The following LRFN5 variants were observed in gnomAD, a reference collection of about 807,000 sequenced individuals.
LRFN5 encodes the protein leucine rich repeat and fibronectin type III domain containing 5, also known as leucine-rich repeat and fibronectin type-III domain-containing protein 5.
In LRFN5, 24 loss-of-function variants were observed where a neutral mutation model predicts 45.6. The observed-to-expected ratio is 0.53, with a 90% confidence interval of 0.38 to 0.74. The LOEUF is 0.74. Among genes scored for constraint, LRFN5 ranks in the 30% least tolerant of loss-of-function variants. The probability of loss-of-function intolerance (pLI) is 0.00; values close to 1 mark genes in which losing one functional copy is unlikely to be tolerated. For synonymous variants in LRFN5, 340 were observed against 313.8 expected (o/e 1.08, Z -0.88); for missense variants, 776 against 861.5 (o/e 0.90, Z 1.24).
intron 2 of LRFN5, among the ~76,000 whole-genome samples, chr14:41,798,044 A>G (rs191568209): frequency 1.3e-5 from 2 of 152,018 alleles, no homozygotes; most frequent in South Asian, 2.1e-4. Context: ...TCTTGGAACT[A>G]TCTCTATCCC....
At chr14:41,823,001 T>TA (rs1204886377) in intron 2 of LRFN5, among the ~76,000 whole-genome samples, 7 of 151,930 alleles carry the variant, frequency 4.6e-5, no homozygotes, top group East Asian at 1.9e-4. Context: ...GTATGATATA[T>TA]TTTTTTCCAC....
intron 2 of LRFN5, among the ~76,000 whole-genome samples, chr14:41,859,933 A>C (rs571864437): frequency 6.6e-6 from 1 of 152,204 alleles, no homozygotes; most frequent in Non-Finnish European, 1.5e-5. Flanking sequence ...TTCTTTCTAC[A>C]CTGGGTTTTG....
At chr14:41,752,536 T>C (rs1885182137) in intron 1 of LRFN5, among the ~76,000 whole-genome samples, 1 of 152,246 alleles carries the variant, frequency 6.6e-6, no homozygotes, top group East Asian at 1.9e-4. Flanking sequence ...CATTTTTTCA[T>C]GTGTCTTTTC....
intron 1 of LRFN5, among the ~76,000 whole-genome samples, chr14:41,749,601 G>A (rs972892643): frequency 1.3e-5 from 2 of 152,056 alleles, no homozygotes; most frequent in African/African-American, 4.8e-5. Flanking sequence ...TCACTTATAA[G>A]TGAAAGTGAA....
intron 1 of LRFN5, among the ~76,000 whole-genome samples, chr14:41,761,545 T>C (rs993908576): frequency 6.6e-6 from 1 of 152,158 alleles, no homozygotes; most frequent in Admixed American, 6.6e-5. Context: ...TGTTGTATTT[T>C]GTTTTTCCCT....
intron 2 of LRFN5, among the ~76,000 whole-genome samples, chr14:41,781,708 AAG>A (rs754253467): frequency 4.7e-4 from 71 of 150,270 alleles, no homozygotes; most frequent in Admixed American, 8.0e-4. Context: ...GAGAAAGAAA[AAG>A]AGAGAGAGGA....
chr14:41,710,438 A>G (rs1883233895), intron 1 of LRFN5, among the ~76,000 whole-genome samples: 1 of 152,024 alleles, frequency 6.6e-6, no homozygotes, highest in Admixed American at 6.6e-5. Flanking sequence ...CTTTTCAAAT[A>G]TGTATTCAGT....
At chr14:41,706,728 T>C (rs1883082612) in intron 1 of LRFN5, among the ~76,000 whole-genome samples, 1 of 152,220 alleles carries the variant, frequency 6.6e-6, no homozygotes, top group African/African-American at 2.4e-5. Flanking sequence ...TGTTTTGCTT[T>C]CATATGAATA....
intron 3 of LRFN5, 113 bp downstream of exon 3, chr14:41,888,123 T>G: frequency 1.3e-6 from 1 of 792,440 alleles, no homozygotes; most frequent in Middle Eastern, 3.8e-4. Flanking sequence ...TAATTCCATA[T>G]TTTAAAGTGC....
At chr14:41,618,828 C>T (rs1010742437) in intron 1 of LRFN5, among the ~76,000 whole-genome samples, 4 of 152,128 alleles carry the variant, frequency 2.6e-5, no homozygotes, top group South Asian at 2.1e-4. Context: ...CATAGCTAAG[C>T]ATGATGCCCC....
rs556361317 is a variant in LRFN5, at chr14:41,715,735, T to C, written c.-196-51119T>C. Among the ~76,000 whole-genome samples the C allele has an allele frequency of 8.5e-5, 13 of 152,322 alleles. No individual in the cohort carries two copies. The South Asian group carries it at 2.3e-3, about 27-fold the overall frequency. On this transcript the variant is annotated intron_variant, in intron 1 of 5. Coordinates refer to ENST00000298119, the MANE Select transcript of LRFN5 (RefSeq NM_152447.5). ...GGCTGACATTGAGTGTCTGTGGCTTTTTCAAGTGCATTGTGCAAGCTGTCG... is the reference window on the plus strand; with the variant it reads ...GGCTGACATTGAGTGTCTGTGGCTTCTTCAAGTGCATTGTGCAAGCTGTCG...
intron 1 of LRFN5, among the ~76,000 whole-genome samples, chr14:41,710,630 T>A (rs548678712): frequency 1.3e-4 from 20 of 152,224 alleles, no homozygotes; most frequent in South Asian, 6.2e-4. Context: ...TTAAATTTTT[T>A]AAATTATACT....
chr14:41,746,969 G>A (rs1884946383), intron 1 of LRFN5, among the ~76,000 whole-genome samples: 1 of 151,828 alleles, frequency 6.6e-6, no homozygotes, highest in East Asian at 1.9e-4. Flanking sequence ...CCATCAGAAA[G>A]AATAAAAGAG....
intron 5 of LRFN5, among the ~76,000 whole-genome samples, chr14:41,901,044 A>G (rs892610565): frequency 6.6e-6 from 1 of 152,212 alleles, no homozygotes; most frequent in African/African-American, 2.4e-5. Flanking sequence ...AATATGCCCC[A>G]TGCCAATTTT....
intron 1 of LRFN5, among the ~76,000 whole-genome samples, chr14:41,731,610 T>C (rs1884179860): frequency 1.3e-5 from 2 of 152,134 alleles, no homozygotes; most frequent in Non-Finnish European, 2.9e-5. Context: ...CTTCCACCAT[T>C]CTACCCTAAA....
intron 2 of LRFN5, among the ~76,000 whole-genome samples, chr14:41,804,693 G>A (rs1887458542): frequency 6.6e-6 from 1 of 152,146 alleles, no homozygotes; most frequent in East Asian, 1.9e-4. Flanking sequence ...GAGGTTAAAG[G>A]CAAGATGGAG....
chr14:41,752,501 T>C (rs1349015423), intron 1 of LRFN5, among the ~76,000 whole-genome samples: 1 of 152,226 alleles, frequency 6.6e-6, no homozygotes, highest in African/African-American at 2.4e-5. Flanking sequence ...TGATTTGCAT[T>C]TCTCTGATGG....
chr14:41,737,802 A>T (rs913979784), intron 1 of LRFN5, among the ~76,000 whole-genome samples: 1 of 152,140 alleles, frequency 6.6e-6, no homozygotes, highest in Non-Finnish European at 1.5e-5. Context: ...GATGTGAAGG[A>T]CTTCTTCAAG....
At chr14:41,642,641 C>T (rs1023844890) in intron 1 of LRFN5, among the ~76,000 whole-genome samples, 3 of 152,152 alleles carry the variant, frequency 2.0e-5, no homozygotes, top group Admixed American at 1.3e-4. Context: ...GACTTGAGCC[C>T]TGACTCCTGC....
Sources: gnomAD v4.1 joint callset for allele counts (sites outside exome capture counted in the v4.1 genomes callset) on GRCh38, gnomAD v4.1.1 for gene constraint, MANE v1.5 for transcripts, NCBI Gene and HGNC (gene_info 2026-07-23, HGNC 2026-07-21) for gene names.